Variants in TBK1 observed in about 807,000 individuals in gnomAD.
TBK1 encodes serine/threonine-protein kinase TBK1.
TBK1 carries 37 observed loss-of-function variants against 99.9 expected under a neutral mutation model. The observed-to-expected ratio is 0.37, with a 90% confidence interval of 0.28 to 0.49. The LOEUF is 0.49. TBK1 is among the 20% of genes least tolerant of loss of function. The pLI is 0.98. For missense variants in TBK1, 644 were observed against 872.5 expected (o/e 0.74, Z 3.30); for synonymous variants, 258 against 279.8 (o/e 0.92, Z 0.78).
rs759058749 is a variant in TBK1 at position 64,490,469 on chromosome 12, A to AT, written c.1521+356dup. 2.6e-5 allele frequency among the ~76,000 whole-genome samples: 4 copies of AT among 151,962 alleles called. No individual in the cohort carries two copies. In the East Asian group the frequency reaches 7.8e-4, roughly 29 times the overall value. Reference sequence around the variant, plus strand: ...TATTAAATAATCTTACTGCCTTGAAATTTTTTGTAACATATTCAAATGACT... The same window carrying AT: ...TATTAAATAATCTTACTGCCTTGAAATTTTTTTGTAACATATTCAAATGACT... On this transcript the variant is annotated intron_variant, in intron 13 of 20. Transcript: ENST00000331710.
At chr12:64,471,669 A>C (rs182200917) in intron 5 of TBK1, among the ~76,000 whole-genome samples, 5 of 152,246 alleles carry the variant, frequency 3.3e-5, no homozygotes, top group African/African-American at 1.2e-4. Context: ...TACTGTTTTT[A>C]ATATGATGGA....
At chr12:64,486,819 C>G (rs1267164347) in intron 11 of TBK1, among the ~76,000 whole-genome samples, 1 of 152,078 alleles carries the variant, frequency 6.6e-6, no homozygotes, top group East Asian at 1.9e-4. Context: ...GCCATCATCA[C>G]TAATTTTAGA....
At chr12:64,493,893 T>C (rs2040898501) in intron 13 of TBK1, among the ~76,000 whole-genome samples, 1 of 152,210 alleles carries the variant, frequency 6.6e-6, no homozygotes, top group South Asian at 2.1e-4. Context: ...TTTTTACTTT[T>C]TGGATACCAT....
chr12:64,481,947 T>G lies in TBK1; in HGVS notation c.918T>G (p.Leu306=). Residue 306 remains leucine, a synonymous_variant, in exon 8 of 21, where the codon CTT becomes CTG. Transcript: ENST00000331710. ...DQFFAETSDI[L]HRMVIHVFSL... ...TTTTTGCAGAAACTAGTGATATACTTCACCGAATGGTAATTCATGTTTTTT... is the reference window on the plus strand; with the variant it reads ...TTTTTGCAGAAACTAGTGATATACTGCACCGAATGGTAATTCATGTTTTTT... The G allele has an allele frequency of 6.2e-7, 1 of 1,610,424 alleles. No individual in the cohort carries two copies. Among genetic ancestry groups the G allele is most frequent in the Non-Finnish European group, 8.5e-7 (1 of 1,178,362 alleles).
chr12:64,501,279 C>T, intron 20 of TBK1, 51 bp from the exon 21 acceptor site: 2 of 1,586,542 alleles, frequency 1.3e-6, no homozygotes, highest in Non-Finnish European at 1.7e-6. Flanking sequence ...GGCCTTTATA[C>T]ATAAATGCAA....
intron 8 of TBK1, 23 bp from the exon 9 acceptor site, chr12:64,484,280 C>T: frequency 6.6e-7 from 1 of 1,526,118 alleles, no homozygotes; most frequent in African/African-American, 1.4e-5. Context: ...GTTATAGTGT[C>T]CTTTTGAATT....
At chr12:64,479,076 AAGT>A (rs2040741613) in intron 6 of TBK1, among the ~76,000 whole-genome samples, 1 of 152,242 alleles carries the variant, frequency 6.6e-6, no homozygotes, top group Non-Finnish European at 1.5e-5. Flanking sequence ...GAGGTGATTG[AAGT>A]ACTCAGTAAT....
At chr12:64,486,081 TTC>T (rs2040817778) in intron 11 of TBK1, 64 bp downstream of exon 11, 1 of 1,161,794 alleles carries the variant, frequency 8.6e-7, no homozygotes, top group African/African-American at 1.6e-5. Flanking sequence ...CATTGATATT[TTC>T]TCTCTTCAAA....
At chr12:64,490,007 C>T (rs750757509) in intron 12 of TBK1, 34 bp from the exon 13 acceptor site, 10 of 1,337,220 alleles carry the variant, frequency 7.5e-6, no homozygotes, top group Admixed American at 5.8e-5. Context: ...ATTGATTATA[C>T]TCATTTAATT....
Position 64,490,044 on chromosome 12 carries a change from T to C in TBK1, c.1446T>C (p.Tyr482=), listed in dbSNP as rs1173002080. The C allele has an allele frequency of 1.2e-6, 2 of 1,606,768 alleles. No homozygotes were observed. The highest frequency in any genetic ancestry group is 1.7e-5 in the Admixed American group (1 of 59,392). The change falls in exon 13 of 21, where the codon TAT becomes TAC. Residue 482 remains tyrosine, a synonymous_variant. Transcript: ENST00000331710. ...TCTCTTTTGACTTTTCATACAGATA[T>C]GAAAAGTTGATGAAGATCAACCTGG... ...IRNIEKTVKV[Y]EKLMKINLEA... is the part of the protein sequence containing the mutation.
chr12:64,471,657 T>C (rs913764983), intron 5 of TBK1, among the ~76,000 whole-genome samples: 4 of 152,148 alleles, frequency 2.6e-5, no homozygotes, highest in African/African-American at 7.2e-5. Flanking sequence ...CCCTGTCTCT[T>C]CTACTGTTTT....
At position 64,495,547 on chromosome 12, in the gene TBK1, G is replaced by C; in HGVS notation, c.1586G>C (p.Gly529Ala). Residue 529 changes from glycine to alanine, a missense_variant, in exon 14 of 21, where the codon GGT (glycine) becomes GCT (alanine). Around this residue, in one of 3 missense-constraint regions of TBK1, gnomAD observed 465 missense variants for 588.0 expected, o/e 0.79. Coordinates refer to ENST00000331710, the MANE Select transcript of TBK1 (RefSeq NM_013254.4). ...GATATCGACAGCAGATTATCTCCAG[G>C]TGGATCACTGGCAGACGCATGGGCA... Reference protein sequence around the residue: ...LQDIDSRLSPGGSLADAWAHQ... With the variant: ...LQDIDSRLSPAGSLADAWAHQ... 6.2e-7 allele frequency: 1 copy of C among 1,614,066 alleles called. No homozygotes were observed. The highest frequency in any genetic ancestry group is 1.3e-5 in the African/African-American group (1 of 75,044).
At chr12:64,458,190 G>A (rs2040509725) in intron 2 of TBK1, among the ~76,000 whole-genome samples, 1 of 151,984 alleles carries the variant, frequency 6.6e-6, no homozygotes, top group Admixed American at 6.6e-5. Context: ...CTAGGGATGT[G>A]CTTTGAGAAA....
At chr12:64,466,856 C>A (rs768230988) in intron 4 of TBK1, 45 bp from the exon 5 acceptor site, 4 of 1,446,904 alleles carry the variant, frequency 2.8e-6, no homozygotes, top group Non-Finnish European at 3.7e-6. Flanking sequence ...CACACATACA[C>A]GTAAATATCT....
At chr12:64,485,560 TC>T (rs772306837) in intron 10 of TBK1, 47 bp downstream of exon 10, 4 of 976,956 alleles carry the variant, frequency 4.1e-6, no homozygotes, top group Non-Finnish European at 6.2e-6. Context: ...ATTTAATGTA[TC>T]CTATCAATAG....
intron 9 of TBK1, 72 bp downstream of exon 9, chr12:64,484,571 G>A: frequency 3.5e-6 from 5 of 1,429,286 alleles, no homozygotes. Context: ...AACATAGTGA[G>A]ACCTTGTCTC....
At chr12:64,495,961 C>A in intron 15 of TBK1, 186 bp downstream of exon 15, 2 of 518,974 alleles carry the variant, frequency 3.9e-6, no homozygotes, top group Non-Finnish European at 3.3e-6. Flanking sequence ...TAAAATCAAC[C>A]TTTTGAATAC....
intron 2 of TBK1, among the ~76,000 whole-genome samples, chr12:64,457,416 G>C (rs941338907): frequency 2.0e-5 from 3 of 152,140 alleles, no homozygotes; most frequent in Admixed American, 1.3e-4. Context: ...ATGCCAAGGA[G>C]AAAATGACTA....
chr12:64,477,464 CGTG>C (rs1350746897), intron 6 of TBK1, among the ~76,000 whole-genome samples: 1 of 151,894 alleles, frequency 6.6e-6, no homozygotes, highest in Non-Finnish European at 1.5e-5. Context: ...CAGCTTTGTC[CGTG>C]TATAGAAATG....
Sources: allele counts gnomAD v4.1 joint callset (sites outside exome capture counted in the v4.1 genomes callset), GRCh38; gene constraint gnomAD v4.1.1; regional missense constraint gnomAD v4.1.1; transcripts MANE v1.5; gene names NCBI Gene and HGNC (gene_info 2026-07-23, HGNC 2026-07-21).